CNTN5: variants seen among roughly 807,000 people sequenced by gnomAD.
The protein encoded by CNTN5 is contactin-5.
A neutral mutation model predicts 129.1 loss-of-function variants in CNTN5; 77 were observed. The observed-to-expected ratio is 0.60, with a 90% CI of 0.50 to 0.72. The LOEUF (loss-of-function observed/expected upper bound fraction) is 0.72. Among genes scored for constraint, CNTN5 ranks in the 30% least tolerant of loss-of-function variants. The pLI, the probability that CNTN5 is intolerant of heterozygous loss-of-function variation, is 0.00. For missense variants in CNTN5, 1,478 were observed against 1,328.8 expected (o/e 1.11, Z -1.75); for synonymous variants, 509 against 465.6 (o/e 1.09, Z -1.20).
At chr11:99,964,167 G>T (rs996032469) in intron 8 of CNTN5, among the ~76,000 whole-genome samples, 11 of 152,088 alleles carry the variant, frequency 7.2e-5, no homozygotes, top group African/African-American at 2.4e-4. Flanking sequence ...TCTCCTGCCT[G>T]ATTGCCCTGG....
chr11:99,970,588 T>C (rs1951222404), intron 8 of CNTN5, among the ~76,000 whole-genome samples: 1 of 152,190 alleles, frequency 6.6e-6, no homozygotes, highest in Non-Finnish European at 1.5e-5. Flanking sequence ...AAAGTGCCTG[T>C]TATTTAACAA....
chr11:99,311,496 C>A (rs554352544), intron 1 of CNTN5, among the ~76,000 whole-genome samples: 1 of 152,076 alleles, frequency 6.6e-6, no homozygotes, highest in African/African-American at 2.4e-5. Context: ...ATATTTTTCA[C>A]CAGTTGTGGT....
intron 13 of CNTN5, among the ~76,000 whole-genome samples, chr11:100,141,030 A>T (rs1239374616): frequency 1.3e-5 from 2 of 152,162 alleles, no homozygotes; most frequent in Admixed American, 6.6e-5. Context: ...CGGCAGGAAA[A>T]ATCCAGGTTT....
chr11:99,088,440 G>A (rs1057255019), intron 1 of CNTN5, among the ~76,000 whole-genome samples: 1 of 152,046 alleles, frequency 6.6e-6, no homozygotes, highest in Non-Finnish European at 1.5e-5. Context: ...TGAAATCTTG[G>A]CACATTCCTT....
At chr11:99,902,579 A>C (rs1387103186) in intron 6 of CNTN5, among the ~76,000 whole-genome samples, 1 of 152,198 alleles carries the variant, frequency 6.6e-6, no homozygotes, top group Non-Finnish European at 1.5e-5. Context: ...GAGCAACAAC[A>C]AAACAGAAGC....
chr11:99,422,531 TATATA>T (rs1349679620), intron 2 of CNTN5, among the ~76,000 whole-genome samples: 50 of 51,960 alleles, frequency 9.6e-4, no homozygotes, highest in African/African-American at 3.6e-3. Flanking sequence ...TATATATATA[TATATA>T]TATATATATA....
chr11:99,877,797 C>T (rs1437970091), intron 6 of CNTN5, among the ~76,000 whole-genome samples: 1 of 152,154 alleles, frequency 6.6e-6, no homozygotes, highest in African/African-American at 2.4e-5. Context: ...ACTATTAAAT[C>T]TGTTCATATT....
At position 99,067,424 on chromosome 11, in the gene CNTN5, TAA is replaced by T. The variant is rs11330416; in HGVS notation, c.-210+46169_-210+46170del. 7.3e-3 allele frequency among the ~76,000 whole-genome samples: 983 copies of T among 135,532 alleles called. 3 individuals carry two copies. The highest frequency in any genetic ancestry group is 0.016 in the Middle Eastern group (4 of 254). 88.9% of individuals were successfully genotyped at this position (135,532 alleles called of 152,430 possible). On this transcript the variant is annotated intron_variant, in intron 1 of 24. Coordinates refer to ENST00000524871, the MANE Select transcript of CNTN5 (RefSeq NM_014361.4). ...AGGGAAGCAGACAATCAATGTTGAC[TAA>T]AAAAAAAAAAAAAAGGTGAAATCTT...
At chr11:100,273,429 C>T (rs535911445) in intron 18 of CNTN5, among the ~76,000 whole-genome samples, 2 of 152,140 alleles carry the variant, frequency 1.3e-5, no homozygotes, top group African/African-American at 4.8e-5. Flanking sequence ...TGCCAACCAC[C>T]GTTGCAGACA....
At chr11:100,106,152 T>A (rs1452463022) in intron 13 of CNTN5, among the ~76,000 whole-genome samples, 1 of 152,042 alleles carries the variant, frequency 6.6e-6, no homozygotes. Flanking sequence ...TATCTCTACA[T>A]CAAGCCACTA....
chr11:100,298,468 A>G (rs1038340836), intron 19 of CNTN5, among the ~76,000 whole-genome samples: 2 of 151,136 alleles, frequency 1.3e-5, no homozygotes, highest in African/African-American at 4.8e-5. Flanking sequence ...CACTCAATAC[A>G]TGGCTTTTCT....
At chr11:99,999,217 G>A (rs1425552530) in intron 8 of CNTN5, among the ~76,000 whole-genome samples, 2 of 152,056 alleles carry the variant, frequency 1.3e-5, no homozygotes, top group African/African-American at 4.8e-5. Context: ...GAGTGAACAG[G>A]CAACCAATAA....
chr11:99,044,430 C>T (rs933886500), intron 1 of CNTN5, among the ~76,000 whole-genome samples: 1 of 152,134 alleles, frequency 6.6e-6, no homozygotes, highest in African/African-American at 2.4e-5. Context: ...TTATTTACAA[C>T]ACCAAAAAGG....
chr11:99,862,876 T>C (rs577555037), intron 6 of CNTN5, among the ~76,000 whole-genome samples: 1 of 152,220 alleles, frequency 6.6e-6, no homozygotes, highest in East Asian at 1.9e-4. Flanking sequence ...TAAAGGCATG[T>C]AACCTTCATT....
chr11:99,644,833 T>A (rs1055917255), intron 3 of CNTN5, among the ~76,000 whole-genome samples: 5 of 152,166 alleles, frequency 3.3e-5, no homozygotes, highest in African/African-American at 1.2e-4. Context: ...TACAACAGGA[T>A]TCCTTTTAAA....
At chr11:99,544,744 A>G (rs777767006) in intron 2 of CNTN5, among the ~76,000 whole-genome samples, 4 of 152,202 alleles carry the variant, frequency 2.6e-5, no homozygotes, top group Non-Finnish European at 5.9e-5. Context: ...TAAAGAAGCT[A>G]AAATAGAGAG....
At chr11:99,976,332 G>A (rs148280897) in intron 8 of CNTN5, among the ~76,000 whole-genome samples, 3 of 152,332 alleles carry the variant, frequency 2.0e-5, no homozygotes, top group African/African-American at 4.8e-5. Context: ...GCATTCTGGG[G>A]TCTGGAGGAT....
chr11:99,587,408 C>T (rs898970905), intron 3 of CNTN5, among the ~76,000 whole-genome samples: 5 of 152,162 alleles, frequency 3.3e-5, no homozygotes, highest in African/African-American at 1.2e-4. Flanking sequence ...AAAGGAGCGA[C>T]AAATTCAATA....
chr11:100,150,972 C>CT (rs1174687036), intron 13 of CNTN5, among the ~76,000 whole-genome samples: 4 of 152,114 alleles, frequency 2.6e-5, no homozygotes, highest in Admixed American at 2.6e-4. Flanking sequence ...GAGCTCTCTG[C>CT]TTGAGGACAC....
Sources: gnomAD v4.1 joint callset for allele counts (sites outside exome capture counted in the v4.1 genomes callset) on GRCh38, gnomAD v4.1.1 for gene constraint, MANE v1.5 for transcripts, NCBI Gene and HGNC (gene_info 2026-07-23, HGNC 2026-07-21) for gene names.